The following EFCAB5 variants were observed in gnomAD, a reference collection of about 807,000 sequenced individuals.
EFCAB5 encodes EF-hand calcium-binding domain-containing protein 5.
EFCAB5 carries 131 observed loss-of-function variants against 167.9 expected under a neutral mutation model. The observed-to-expected ratio is 0.78, with a 90% CI of 0.68 to 0.90. The LOEUF (loss-of-function observed/expected upper bound fraction) is 0.90, where lower values mean the gene tolerates loss of function less well. Ranked by LOEUF, EFCAB5 falls within the 40% of genes least tolerant of loss-of-function variation. The pLI, the probability that EFCAB5 is intolerant of heterozygous loss-of-function variation, is 0.00. For synonymous variants in EFCAB5, 574 were observed against 602.8 expected (o/e 0.95, Z 0.70); for missense variants, 1,663 against 1,745.2 (o/e 0.95, Z 0.84).
intron 7 of EFCAB5, among the ~76,000 whole-genome samples, chr17:30,023,390 A>G (rs2069232789): frequency 6.6e-6 from 1 of 152,164 alleles, no homozygotes; most frequent in Non-Finnish European, 1.5e-5. Flanking sequence ...CCATCAGAGA[A>G]TACTACAAAC....
chr17:30,043,810 C>T (rs1228878498), intron 8 of EFCAB5, among the ~76,000 whole-genome samples: 1 of 152,166 alleles, frequency 6.6e-6, no homozygotes, highest in Non-Finnish European at 1.5e-5. Flanking sequence ...CCCAAATTGA[C>T]CTACAAATCC....
At chr17:30,019,446 T>C (rs1597677611) in intron 7 of EFCAB5, among the ~76,000 whole-genome samples, 1 of 149,040 alleles carries the variant, frequency 6.7e-6, no homozygotes, top group Non-Finnish European at 1.5e-5. Context: ...TCTCCCTCTC[T>C]CTTTTTTTTT....
chr17:30,079,989 C>A, intron 15 of EFCAB5, 83 bp from the exon 16 acceptor site: 1 of 1,471,404 alleles, frequency 6.8e-7, no homozygotes, highest in Non-Finnish European at 9.1e-7. Context: ...GGGCAAGATG[C>A]ATGAATTAAC....
chr17:29,954,850 G>T (rs573074844), intron 3 of EFCAB5, among the ~76,000 whole-genome samples: 1 of 152,346 alleles, frequency 6.6e-6, no homozygotes, highest in East Asian at 1.9e-4. Context: ...GGGCAGAGCT[G>T]CCCAAGGCTG....
intron 14 of EFCAB5, chr17:30,073,570 C>T (rs1286404044): frequency 1.6e-6 from 1 of 614,470 alleles, no homozygotes; most frequent in Non-Finnish European, 3.0e-6. Flanking sequence ...TACATTTCTC[C>T]CTAAATACCT....
At chr17:30,088,581 T>C (rs1254561258) in intron 19 of EFCAB5, among the ~76,000 whole-genome samples, 1 of 152,220 alleles carries the variant, frequency 6.6e-6, no homozygotes, top group African/African-American at 2.4e-5. Flanking sequence ...AAGCATGTTG[T>C]ATTTAATAAG....
At position 29,975,536 on chromosome 17, in the gene EFCAB5, C is replaced by T. The variant is rs541430490; in HGVS notation, c.767+6169C>T. Among the ~76,000 whole-genome samples the T allele has an allele frequency of 3.9e-5, 6 of 152,224 alleles. 1 individual carries two copies. The Middle Eastern group carries it at 0.01, about 259-fold the overall frequency. On this transcript the variant is annotated intron_variant, in intron 4 of 22. Transcript: ENST00000394835. ...CCTCCCAAAGTGCTGGAATTACAGGCGTGAGCCACCACACCTGGCCCACCT... is the reference window on the plus strand; with the variant it reads ...CCTCCCAAAGTGCTGGAATTACAGGTGTGAGCCACCACACCTGGCCCACCT...
In EFCAB5 at chr17:29,993,319, G is replaced by C; in HGVS notation, c.922G>C (p.Val308Leu). 1 of 1,609,954 alleles carries C rather than the reference G, an allele frequency of 6.2e-7. No homozygotes were observed. Among genetic ancestry groups the C allele is most frequent in the Non-Finnish European group, 8.5e-7 (1 of 1,177,852 alleles). The part of the protein sequence containing the change: ...LDPKGMIPKS[V>L]IQNVLQEFFQ... ...CCCTAAAGGAATGATTCCTAAGTCAGTGGTAAGAAAATTGGGGGTATATGT... is the reference window on the plus strand; with the variant it reads ...CCCTAAAGGAATGATTCCTAAGTCACTGGTAAGAAAATTGGGGGTATATGT... Residue 308 changes from valine (V) to leucine (L), a missense_variant and splice_region_variant, in exon 5 of 23, where the codon GTG (valine) becomes CTG (leucine). Transcript: ENST00000394835.
chr17:30,074,999 A>G (rs1165657360), intron 14 of EFCAB5, among the ~76,000 whole-genome samples: 4 of 152,128 alleles, frequency 2.6e-5, no homozygotes, highest in Non-Finnish European at 1.5e-5. Flanking sequence ...ATATCTGTAC[A>G]TACCTTTCTG....
chr17:30,097,056 ATATAT>A (rs1350577642), intron 22 of EFCAB5, among the ~76,000 whole-genome samples: 19,357 of 97,400 alleles, frequency 0.2, 1,588 homozygotes, highest in East Asian at 0.31. Flanking sequence ...ATACATATAT[ATATAT>A]TTTTTTTTTT....
rs769205849 is a variant in EFCAB5, at chr17:30,080,221, C to T, written c.3177C>T (p.Tyr1059=). 1 of 1,592,486 alleles carries T rather than the reference C, an allele frequency of 6.3e-7. No homozygotes were observed. Among genetic ancestry groups the T allele is most frequent in the Admixed American group, 1.9e-5 (1 of 53,274 alleles). Residue 1059 remains tyrosine (Y), a synonymous_variant, in exon 16 of 23, where the codon TAC becomes TAT. Transcript: ENST00000394835. ...AATTTGTACTGAACAGAGTGCTCTA[C>T]AGGGACATGAAAGGAATCAGGTAAG... ...DAQFVLNRVL[Y]RDMKGISFTV... is the part of the protein sequence containing the mutation.
intron 8 of EFCAB5, among the ~76,000 whole-genome samples, chr17:30,046,361 G>T (rs1438573679): frequency 1.3e-5 from 2 of 152,170 alleles, no homozygotes; most frequent in East Asian, 3.9e-4. Flanking sequence ...GACCCCTGGG[G>T]TTATCAGTGG....
chr17:30,049,102 T>C (rs1462321695), intron 8 of EFCAB5, among the ~76,000 whole-genome samples: 1 of 152,102 alleles, frequency 6.6e-6, no homozygotes, highest in Non-Finnish European at 1.5e-5. Flanking sequence ...TGATTGGACT[T>C]GATGAGCTGA....
At chr17:30,075,326 T>A (rs2070847249) in intron 14 of EFCAB5, among the ~76,000 whole-genome samples, 1 of 152,112 alleles carries the variant, frequency 6.6e-6, no homozygotes, top group Non-Finnish European at 1.5e-5. Context: ...CTGACACCCC[T>A]CAACAGATCA....
rs1403818170 is a variant in EFCAB5, at chr17:30,062,322, G to A, written c.2737+2621G>A. Among the ~76,000 whole-genome samples the A allele has an allele frequency of 2.6e-5, 4 of 152,300 alleles. No homozygotes were observed. In the East Asian group the frequency reaches 7.7e-4, roughly 29 times the overall value. On this transcript the variant is annotated intron_variant, in intron 14 of 22. Transcript: ENST00000394835. ...CAGAAACTCAAGATGGCCACATAGA[G>A]AACAGAAGGCGATGCCAGGTCTCCA... is the stretch of plus-strand genomic sequence containing the variant.
intron 7 of EFCAB5, among the ~76,000 whole-genome samples, chr17:30,018,605 T>A (rs1335810560): frequency 6.6e-6 from 1 of 152,130 alleles, no homozygotes; most frequent in African/African-American, 2.4e-5. Flanking sequence ...TTCTTGTCTT[T>A]TCACCTGAAT....
At chr17:30,035,161 G>A (rs1487867601) in intron 8 of EFCAB5, among the ~76,000 whole-genome samples, 1 of 152,160 alleles carries the variant, frequency 6.6e-6, no homozygotes, top group Non-Finnish European at 1.5e-5. Flanking sequence ...AATCTGAAAT[G>A]TCTATGTGTC....
chr17:30,047,508 C>A (rs1488486475), intron 8 of EFCAB5, among the ~76,000 whole-genome samples: 1 of 152,220 alleles, frequency 6.6e-6, no homozygotes, highest in East Asian at 1.9e-4. Flanking sequence ...ACAAGTCCCA[C>A]TAGTCAAAGT....
chr17:30,093,038 T>G (rs942808436), intron 22 of EFCAB5, 102 bp downstream of exon 22: 1 of 768,304 alleles, frequency 1.3e-6, no homozygotes, highest in African/African-American at 1.8e-5. Flanking sequence ...ATTCAGTTTT[T>G]AGGAGAAAAT....
Sources: allele counts gnomAD v4.1 joint callset (sites outside exome capture counted in the v4.1 genomes callset), GRCh38; gene constraint gnomAD v4.1.1; transcripts MANE v1.5; gene names NCBI Gene and HGNC (gene_info 2026-07-23, HGNC 2026-07-21).